Variants in MCM3AP observed in about 807,000 individuals in gnomAD.
MCM3AP encodes minichromosome maintenance complex component 3 associated protein, also known as germinal-center associated nuclear protein.
Under a neutral mutation model 184.1 loss-of-function variants are expected in MCM3AP, and 126 were observed. The observed-to-expected ratio is 0.68, with a 90% CI of 0.59 to 0.79. MCM3AP has a LOEUF of 0.79. Ranked by LOEUF, MCM3AP falls within the 30% of genes least tolerant of loss-of-function variation. The probability of loss-of-function intolerance (pLI) is 0.00; values close to 1 mark genes in which losing one functional copy is unlikely to be tolerated. For missense variants in MCM3AP, 2,496 were observed against 2,479.2 expected (o/e 1.01, Z -0.14); for synonymous variants, 1,002 against 979.3 (o/e 1.02, Z -0.43).
chr21:46,258,372 C>T (rs1404419681), intron 16 of MCM3AP, among the ~76,000 whole-genome samples: 2 of 152,188 alleles, frequency 1.3e-5, no homozygotes, highest in Non-Finnish European at 2.9e-5. Flanking sequence ...TGCACTTACA[C>T]CCAGTTGAGA....
intron 7 of MCM3AP, among the ~76,000 whole-genome samples, chr21:46,273,080 C>T (rs970479179): frequency 3.2e-4 from 48 of 151,960 alleles, no homozygotes; most frequent in African/African-American, 1.1e-3. Context: ...CAGGTTCAAG[C>T]AATTCTGCTT....
chr21:46,274,067 G>A (rs531829428), intron 6 of MCM3AP, among the ~76,000 whole-genome samples: 13 of 152,380 alleles, frequency 8.5e-5, no homozygotes, highest in African/African-American at 2.9e-4. Flanking sequence ...ACGTGGCCAA[G>A]GGAAGAGGCA....
Position 46,256,876 on chromosome 21 carries a change from C to A in MCM3AP, c.3845G>T (p.Ser1282Ile), listed in dbSNP as rs1472346590. ...VSDRLRALAP[S>I]AECPIAEENL... Reference sequence around the variant, plus strand: ...CTCTTCAGCAATGGGGCACTCTGCGCTGGGCGCCAGCGCCCTCAGCCGGTC... The same window carrying A: ...CTCTTCAGCAATGGGGCACTCTGCGATGGGCGCCAGCGCCCTCAGCCGGTC... Residue 1282 changes from serine to isoleucine, a missense_variant, in exon 17 of 28, where the codon AGC becomes ATC. Physicochemically the swap from Ser to Ile is moderately radical, Grantham distance 142. Transcript: ENST00000291688. 1 of 1,595,048 alleles carries A rather than the reference C, an allele frequency of 6.3e-7. No homozygotes were observed. Among genetic ancestry groups the A allele is most frequent in the Non-Finnish European group, 8.5e-7 (1 of 1,170,928 alleles).
intron 16 of MCM3AP, among the ~76,000 whole-genome samples, 179 bp from the exon 17 acceptor site, chr21:46,257,165 T>C (rs192440658): frequency 8.7e-4 from 132 of 152,294 alleles, no homozygotes; most frequent in Middle Eastern, 3.4e-3. Context: ...CTTGGCAATA[T>C]GGATACAGAT....
At chr21:46,278,808 G>C (rs548410918) in intron 4 of MCM3AP, among the ~76,000 whole-genome samples, 141 of 151,944 alleles carry the variant, frequency 9.3e-4, no homozygotes, top group African/African-American at 3.2e-3. Flanking sequence ...CAAGTAGCTG[G>C]GACTACAGGC....
chr21:46,261,045 G>T, intron 14 of MCM3AP, 139 bp from the exon 15 acceptor site: 1 of 820,788 alleles, frequency 1.2e-6, no homozygotes, highest in Non-Finnish European at 2.0e-6. Flanking sequence ...CAGCTCCCCT[G>T]ACACCACCTC....
At chr21:46,266,193 G>A (rs1193181882) in intron 10 of MCM3AP, 27 bp from the exon 11 acceptor site, 3 of 1,578,436 alleles carry the variant, frequency 1.9e-6, no homozygotes, top group Admixed American at 3.5e-5. Flanking sequence ...AGACCCCCGA[G>A]GGGTGTCACC....
Position 46,284,305 on chromosome 21 carries a change from G to A in MCM3AP, c.982C>T (p.Arg328Cys), listed in dbSNP as rs746117008. Reference protein sequence around the residue: ...GDHPPDKRPVRLNRPRGGTLF... With the variant: ...GDHPPDKRPVCLNRPRGGTLF... ...GTACCTCCCCGGGGTCGATTCAGGC[G>A]GACAGGTCGTTTGTCTGGAGGATGA... The change falls in exon 1 of 28, where the codon CGC (arginine) becomes TGC (cysteine). Residue 328 changes from arginine to cysteine, a missense_variant. Around this residue, in one of 5 missense-constraint regions of MCM3AP, gnomAD observed 800 missense variants for 717.1 expected, o/e 1.12. Transcript: ENST00000291688. The A allele has an allele frequency of 3.7e-6, 6 of 1,614,088 alleles. No homozygotes were observed. The highest frequency in any genetic ancestry group is 2.2e-5 in the South Asian group (2 of 91,096).
At chr21:46,281,331 A>T (rs898427438) in intron 2 of MCM3AP, among the ~76,000 whole-genome samples, 1 of 152,160 alleles carries the variant, frequency 6.6e-6, no homozygotes, top group African/African-American at 2.4e-5. Context: ...ATACACTCAT[A>T]AAAATGTCTA....
chr21:46,270,306 G>T, intron 9 of MCM3AP, 95 bp downstream of exon 9: 1 of 1,231,176 alleles, frequency 8.1e-7, no homozygotes. Context: ...ATCAGCCTGA[G>T]ACCTCCTTTG....
At chr21:46,269,148 G>A (rs116906806) in intron 9 of MCM3AP, among the ~76,000 whole-genome samples, 7,015 of 151,992 alleles carry the variant, frequency 0.046, 225 homozygotes, top group Non-Finnish European at 0.069. Flanking sequence ...TTTTTGAGAG[G>A]GCCTCTGTTG....
rs567959171 is a variant in MCM3AP at position 46,280,005 on chromosome 21, A to T, written c.1655T>A (p.Leu552His). ...KAAGRTGASS[L>H]LNKSSPVKKP... is the part of the protein sequence containing the mutation. The stretch of plus-strand genomic sequence containing the variant: ...GGACCGATCCCACCTTTTATTCAGG[A>T]GGCTGCTAGCACCAGTCCTCCCTGC... The change falls in exon 4 of 28, where the codon CTC becomes CAC. Residue 552 changes from leucine to histidine, a missense_variant. By Grantham distance (99) the Leu-to-His change is moderately conservative. Transcript: ENST00000291688. 2 of 1,611,932 alleles carry T rather than the reference A, an allele frequency of 1.2e-6. No individual in the cohort carries two copies. The highest frequency in any genetic ancestry group is 1.3e-5 in the African/African-American group (1 of 74,902).
rs201040538 is a variant in MCM3AP, at chr21:46,244,914, C to T, written c.4931G>A (p.Ser1644Asn). The T allele has an allele frequency of 3.6e-5, 58 of 1,614,082 alleles. No homozygotes were observed. Among genetic ancestry groups the T allele is most frequent in the Non-Finnish European group, 4.8e-5 (57 of 1,180,030 alleles). Residue 1644 changes from serine to asparagine, a missense_variant, in exon 23 of 28, where the codon AGC (serine) becomes AAC (asparagine). Coordinates refer to ENST00000291688, the MANE Select transcript of MCM3AP (RefSeq NM_003906.5). The stretch of plus-strand genomic sequence containing the variant: ...CCAGTGCAGGTGAGGAAGCAGCCGG[C>T]TGCCCCCTGCCTCAGCAAACTCAGT... ...PVTEFAEAGG[S>N]RLLPHLHWNA...
rs2080958891 is a variant in MCM3AP at position 46,256,860 on chromosome 21, A to C, written c.3861T>G (p.Ile1287Met). The C allele has an allele frequency of 6.3e-7, 1 of 1,583,616 alleles. No individual in the cohort carries two copies. Among genetic ancestry groups the C allele is most frequent in the Non-Finnish European group, 8.6e-7 (1 of 1,164,834 alleles). Reference protein sequence around the residue: ...RALAPSAECPIAEENLARGLL... With the variant: ...RALAPSAECPMAEENLARGLL... ...GGCCCCTGGCCAGGTTCTCTTCAGC[A>C]ATGGGGCACTCTGCGCTGGGCGCCA... The change falls in exon 17 of 28, where the codon ATT (isoleucine) becomes ATG (methionine). Residue 1287 changes from isoleucine to methionine, a missense_variant. Transcript: ENST00000291688.
chr21:46,265,601 G>A (rs1014832433), intron 11 of MCM3AP, 78 bp from the exon 12 acceptor site: 3 of 1,250,282 alleles, frequency 2.4e-6, no homozygotes, highest in Admixed American at 5.5e-5. Context: ...GTCTGTGCAG[G>A]GACAGCCCCA....
intron 14 of MCM3AP, 150 bp downstream of exon 14, chr21:46,261,130 C>A (rs1015182744): frequency 5.7e-6 from 6 of 1,061,890 alleles, no homozygotes; most frequent in East Asian, 2.4e-5. Flanking sequence ...CCATCCACCC[C>A]CTGGGCTGAA....
chr21:46,259,847 G>A (rs922178525), intron 15 of MCM3AP, among the ~76,000 whole-genome samples: 4 of 150,774 alleles, frequency 2.7e-5, no homozygotes, highest in South Asian at 4.2e-4. Context: ...GGAGCTTGCA[G>A]TGAGCCGAGA....
At chr21:46,281,167 G>C (rs184730296) in intron 2 of MCM3AP, among the ~76,000 whole-genome samples, 58 of 152,160 alleles carry the variant, frequency 3.8e-4, no homozygotes, top group Admixed American at 9.8e-4. Context: ...GTTGGCATTT[G>C]GTGAGATGAT....
intron 20 of MCM3AP, chr21:46,247,124 T>A (rs1416035587): frequency 3.2e-5 from 2 of 61,734 alleles, no homozygotes; most frequent in Non-Finnish European, 6.0e-5. Flanking sequence ...CCCCTCAACC[T>A]TTTTTTTTTT....
Sources: gnomAD v4.1 joint callset for allele counts (sites outside exome capture counted in the v4.1 genomes callset) on GRCh38, gnomAD v4.1.1 for gene constraint, gnomAD v4.1.1 regional missense constraint, MANE v1.5 for transcripts, NCBI Gene and HGNC (gene_info 2026-07-23, HGNC 2026-07-21) for gene names.